PTPRD: variants seen among roughly 807,000 people sequenced by gnomAD.
The protein encoded by PTPRD is protein tyrosine phosphatase receptor type D.
PTPRD carries 34 observed loss-of-function variants against 214.5 expected under a neutral mutation model. The ratio of observed to expected loss-of-function variants is 0.16; its 90% CI spans 0.12 to 0.21. The LOEUF (loss-of-function observed/expected upper bound fraction) is 0.21. PTPRD is among the 10% of genes least tolerant of loss of function. PTPRD has a pLI of 1.00. For missense variants in PTPRD, 2,545 were observed against 2,398.7 expected, an observed-to-expected ratio of 1.06 and a Z score of -1.27; for synonymous variants, 1,128 against 845.7, an observed-to-expected ratio of 1.33 and a Z score of -5.79.
intron 9 of PTPRD, among the ~76,000 whole-genome samples, chr9:9,327,264 C>T (rs543361800): frequency 3.3e-5 from 5 of 152,266 alleles, no homozygotes; most frequent in African/African-American, 1.2e-4. Flanking sequence ...CTAGCAGATT[C>T]CTTCAATTCT....
At chr9:9,078,797 A>T (rs2099754814) in intron 10 of PTPRD, among the ~76,000 whole-genome samples, 1 of 152,082 alleles carries the variant, frequency 6.6e-6, no homozygotes, top group Non-Finnish European at 1.5e-5. Flanking sequence ...AATTGTGCCA[A>T]AATATTGGGG....
At chr9:9,831,953 G>A (rs892807385) in intron 5 of PTPRD, among the ~76,000 whole-genome samples, 7 of 151,934 alleles carry the variant, frequency 4.6e-5, no homozygotes, top group Non-Finnish European at 8.8e-5. Context: ...CTCATTAAGT[G>A]GCATTTCAAT....
intron 2 of PTPRD, among the ~76,000 whole-genome samples, chr9:10,456,255 T>G (rs2098916430): frequency 6.6e-6 from 1 of 151,904 alleles, no homozygotes; most frequent in African/African-American, 2.4e-5. Flanking sequence ...AAAGTGCTGT[T>G]TTGAAATACC....
At chr9:9,594,762 C>A (rs933327817) in intron 7 of PTPRD, among the ~76,000 whole-genome samples, 5 of 151,926 alleles carry the variant, frequency 3.3e-5, no homozygotes, top group African/African-American at 9.7e-5. Flanking sequence ...GCTTTTTGCA[C>A]AGCAAAAGGA....
chr9:9,450,401 C>T (rs1035819640), intron 8 of PTPRD, among the ~76,000 whole-genome samples: 1 of 151,780 alleles, frequency 6.6e-6, no homozygotes, highest in Admixed American at 6.6e-5. Context: ...AAAGTGTTCC[C>T]TTTTCACCAC....
At chr9:9,500,705 T>C (rs1247110379) in intron 8 of PTPRD, among the ~76,000 whole-genome samples, 4 of 152,068 alleles carry the variant, frequency 2.6e-5, no homozygotes, top group Non-Finnish European at 5.9e-5. Flanking sequence ...TAAAGAAGAC[T>C]GGAGATAATA....
intron 11 of PTPRD, among the ~76,000 whole-genome samples, chr9:8,968,369 C>G (rs551318900): frequency 6.6e-6 from 1 of 152,054 alleles, no homozygotes; most frequent in South Asian, 2.1e-4. Context: ...ACAGTCCCAC[C>G]AACAGTGTAA....
chr9:9,482,672 T>A (rs1326225550), intron 8 of PTPRD, among the ~76,000 whole-genome samples: 2 of 152,188 alleles, frequency 1.3e-5, no homozygotes, highest in Non-Finnish European at 2.9e-5. Flanking sequence ...ATGGCAGTGG[T>A]TCTAAGCACA....
intron 14 of PTPRD, among the ~76,000 whole-genome samples, chr9:8,561,729 G>T (rs2086445590): frequency 6.7e-6 from 1 of 150,258 alleles, no homozygotes; most frequent in Non-Finnish European, 1.5e-5. Flanking sequence ...TTTTTATAAA[G>T]TCTTTAGGAA....
chr9:9,624,396 C>T (rs1174422989), intron 7 of PTPRD, among the ~76,000 whole-genome samples: 1 of 152,078 alleles, frequency 6.6e-6, no homozygotes, highest in Non-Finnish European at 1.5e-5. Context: ...GATTCTCCTG[C>T]CTCAGCCTCC....
Position 9,377,086 on chromosome 9 carries a change from T to C in PTPRD, c.-203+20363A>G, listed in dbSNP as rs1036802310. ...AATTGATGTTGGCTATGGCAACATA[T>C]ATTTTTTTTTAATTTCAAAAGGAGT... On this transcript the variant is annotated intron_variant, in intron 9 of 45. Coordinates refer to ENST00000381196, the MANE Select transcript of PTPRD (RefSeq NM_002839.4). 6.6e-5 allele frequency among the ~76,000 whole-genome samples: 10 copies of C among 152,078 alleles called. No homozygotes were observed. The East Asian group carries it at 9.6e-4, about 15-fold the overall frequency.
chr9:9,229,566 T>C (rs17667884), intron 9 of PTPRD, among the ~76,000 whole-genome samples: 69,482 of 152,002 alleles, frequency 0.46, 16,330 homozygotes, highest in Middle Eastern at 0.49. Context: ...AGAAAACTTA[T>C]GGCTCCTTTG....
At chr9:9,664,490 C>T (rs964295948) in intron 7 of PTPRD, among the ~76,000 whole-genome samples, 1 of 151,592 alleles carries the variant, frequency 6.6e-6, no homozygotes, top group Non-Finnish European at 1.5e-5. Flanking sequence ...TAGATCAGCT[C>T]TTTTTCCATT....
At chr9:8,748,918 G>C (rs2093208089) in intron 11 of PTPRD, among the ~76,000 whole-genome samples, 1 of 152,024 alleles carries the variant, frequency 6.6e-6, no homozygotes, top group African/African-American at 2.4e-5. Context: ...CATAAAAAAA[G>C]AAAATTCATC....
intron 10 of PTPRD, among the ~76,000 whole-genome samples, chr9:9,108,625 G>T (rs936495007): frequency 2.3e-4 from 35 of 152,144 alleles, no homozygotes; most frequent in African/African-American, 8.0e-4. Context: ...GAAAAAAACA[G>T]TTGGAAAGTT....
At chr9:9,222,748 G>T (rs1009888530) in intron 9 of PTPRD, among the ~76,000 whole-genome samples, 4 of 151,942 alleles carry the variant, frequency 2.6e-5, no homozygotes, top group Admixed American at 6.6e-5. Flanking sequence ...AATAGATGTT[G>T]TTTACAGTTT....
chr9:9,228,094 T>C (rs4621866), intron 9 of PTPRD, among the ~76,000 whole-genome samples: 21,172 of 152,138 alleles, frequency 0.14, 1,533 homozygotes, highest in Middle Eastern at 0.15. Context: ...GCCCATACAA[T>C]AAAATGTACA....
chr9:9,595,550 TTGTG>T (rs58995675), intron 7 of PTPRD, among the ~76,000 whole-genome samples: 42,320 of 147,140 alleles, frequency 0.29, 7,134 homozygotes, highest in Non-Finnish European at 0.39. Context: ...GTATGTGTGT[TTGTG>T]TGTGTGTGTG....
intron 2 of PTPRD, among the ~76,000 whole-genome samples, chr9:10,500,906 A>G (rs1216133098): frequency 6.6e-6 from 1 of 151,824 alleles, no homozygotes; most frequent in Non-Finnish European, 1.5e-5. Context: ...TCCCTTTTGT[A>G]TATATACCAC....
Sources: allele counts gnomAD v4.1 joint callset (sites outside exome capture counted in the v4.1 genomes callset), GRCh38; gene constraint gnomAD v4.1.1; transcripts MANE v1.5; gene names NCBI Gene and HGNC (gene_info 2026-07-23, HGNC 2026-07-21).